The following COL22A1 variants were observed in gnomAD, a reference collection of about 807,000 sequenced individuals.
COL22A1 encodes the protein collagen type XXII alpha 1 chain, also known as collagen alpha-1(XXII) chain.
Under a neutral mutation model 248.9 loss-of-function variants are expected in COL22A1, and 221 were observed. The observed-to-expected ratio is 0.89, with a 90% CI of 0.80 to 0.99. The LOEUF (loss-of-function observed/expected upper bound fraction) is 0.99. Ranked by LOEUF, COL22A1 falls within the 50% of genes least tolerant of loss-of-function variation. The pLI is 0.00. For missense variants in COL22A1, 2,240 were observed against 2,179.0 expected (o/e 1.03, Z -0.56); for synonymous variants, 891 against 793.4 (o/e 1.12, Z -2.07).
intron 18 of COL22A1, 130 bp downstream of exon 18, chr8:138,760,113 C>G (rs894176156): frequency 1.7e-6 from 1 of 572,796 alleles, no homozygotes; most frequent in African/African-American, 2.0e-5. Context: ...CCAGCCACCA[C>G]CCTTTGTGTG....
intron 1 of COL22A1, among the ~76,000 whole-genome samples, chr8:138,888,501 G>A (rs572403288): frequency 6.6e-6 from 1 of 152,328 alleles, no homozygotes; most frequent in South Asian, 2.1e-4. Context: ...ATGCATGACA[G>A]GCATGCAGGT....
chr8:138,862,865 T>C (rs1217038922), intron 3 of COL22A1, among the ~76,000 whole-genome samples: 1 of 151,920 alleles, frequency 6.6e-6, no homozygotes, highest in African/African-American at 2.4e-5. Context: ...AGGAGACTTG[T>C]GCCCAGCGTC....
intron 10 of COL22A1, among the ~76,000 whole-genome samples, chr8:138,804,896 G>A (rs1378398800): frequency 6.6e-6 from 1 of 150,922 alleles, no homozygotes; most frequent in Non-Finnish European, 1.5e-5. Context: ...TGGTGGCTGT[G>A]TGTGGTGGGT....
intron 18 of COL22A1, among the ~76,000 whole-genome samples, chr8:138,757,673 G>A (rs975532344): frequency 1.3e-5 from 2 of 152,186 alleles, no homozygotes; most frequent in Non-Finnish European, 2.9e-5. Flanking sequence ...TTCAGGGACT[G>A]GACATGGATT....
At chr8:138,738,988 T>C (rs1447972543) in intron 22 of COL22A1, among the ~76,000 whole-genome samples, 1 of 152,116 alleles carries the variant, frequency 6.6e-6, no homozygotes, top group Non-Finnish European at 1.5e-5. Flanking sequence ...TAACATTGCC[T>C]TGGACCAGCG....
At chr8:138,849,489 C>T (rs890004030) in intron 3 of COL22A1, among the ~76,000 whole-genome samples, 3 of 152,216 alleles carry the variant, frequency 2.0e-5, no homozygotes, top group Non-Finnish European at 4.4e-5. Context: ...GGCCACACAG[C>T]TTGCAGGTGG....
chr8:138,673,653 G>A (rs796877911), intron 41 of COL22A1, among the ~76,000 whole-genome samples: 12 of 152,276 alleles, frequency 7.9e-5, no homozygotes, highest in African/African-American at 2.6e-4. Context: ...TGTGGGAAGC[G>A]GGTCTGTATC....
At chr8:138,756,718 GC>G (rs1833033816) in intron 18 of COL22A1, among the ~76,000 whole-genome samples, 1 of 151,970 alleles carries the variant, frequency 6.6e-6, no homozygotes, top group South Asian at 2.1e-4. Flanking sequence ...AGAGTGAATG[GC>G]TCAAGACACA....
chr8:138,755,354 A>G lies in COL22A1; in HGVS notation c.1977+128T>C, dbSNP rs548729116. ...TAGAGGTATGGGAGTGGGTATTTGC[A>G]TTTCTGGCAGAAAGGCAACTGAAGT... On this transcript the variant is annotated intron_variant, in intron 20 of 64. Coordinates refer to ENST00000303045, the MANE Select transcript of COL22A1 (RefSeq NM_152888.3). The G allele has an allele frequency of 9.2e-5, 119 of 1,290,856 alleles. No individual in the cohort carries two copies. The African/African-American group carries it at 1.6e-3, about 18-fold the overall frequency. 80.0% of individuals were successfully genotyped at this position (1,290,856 alleles called of 1,614,324 possible). A position where few individuals can be genotyped will look rare whatever the true frequency, so the allele number is the denominator to read the frequency against.
chr8:138,611,935 C>T (rs1564095288), intron 56 of COL22A1, among the ~76,000 whole-genome samples: 1 of 152,238 alleles, frequency 6.6e-6, no homozygotes, highest in Non-Finnish European at 1.5e-5. Flanking sequence ...AAAGCTCTTA[C>T]AAGCTGCATG....
At chr8:138,702,798 T>G (rs1463739082) in intron 31 of COL22A1, among the ~76,000 whole-genome samples, 1 of 152,198 alleles carries the variant, frequency 6.6e-6, no homozygotes, top group Non-Finnish European at 1.5e-5. Flanking sequence ...TAATATTTTC[T>G]AACAGACGAG....
intron 16 of COL22A1, among the ~76,000 whole-genome samples, chr8:138,771,887 C>T (rs1834397752): frequency 6.6e-6 from 1 of 152,200 alleles, no homozygotes; most frequent in Non-Finnish European, 1.5e-5. Context: ...AAGCCGACTG[C>T]ACCGCGCCTC....
intron 37 of COL22A1, among the ~76,000 whole-genome samples, chr8:138,687,004 T>C (rs1273834326): frequency 1.3e-5 from 2 of 152,236 alleles, no homozygotes; most frequent in African/African-American, 4.8e-5. Context: ...TCATCCAGAC[T>C]GGAGTGCAGT....
chr8:138,893,876 G>C (rs1825225250), intron 1 of COL22A1, among the ~76,000 whole-genome samples: 1 of 152,232 alleles, frequency 6.6e-6, no homozygotes, highest in African/African-American at 2.4e-5. Context: ...CATGGGAGCT[G>C]AGTGGACAAG....
chr8:138,832,794 T>A (rs1032951344), intron 5 of COL22A1, among the ~76,000 whole-genome samples: 1 of 152,144 alleles, frequency 6.6e-6, no homozygotes, highest in Non-Finnish European at 1.5e-5. Context: ...TAATGCCAAA[T>A]GTGTATGGAG....
At chr8:138,871,105 A>G (rs1358836555) in intron 3 of COL22A1, among the ~76,000 whole-genome samples, 1 of 152,058 alleles carries the variant, frequency 6.6e-6, no homozygotes, top group East Asian at 1.9e-4. Flanking sequence ...ACTCTTGCTT[A>G]GAGGGAGACA....
chr8:138,760,339 G>C (rs1177177139), intron 17 of COL22A1, 52 bp from the exon 18 acceptor site: 1 of 1,532,934 alleles, frequency 6.5e-7, no homozygotes, highest in East Asian at 2.4e-5. Flanking sequence ...GGATACGGTG[G>C]TGGGGTGTTG....
At chr8:138,601,621 T>C (rs1186154865) in intron 60 of COL22A1, among the ~76,000 whole-genome samples, 1 of 152,222 alleles carries the variant, frequency 6.6e-6, no homozygotes, top group East Asian at 1.9e-4. Context: ...AAAAAGTCTT[T>C]TCCCCTCTTG....
chr8:138,883,064 A>G lies in COL22A1; in HGVS notation c.91+18T>C. 6.4e-7 allele frequency: 1 copy of G among 1,560,812 alleles called. No individual in the cohort carries two copies. The highest frequency in any genetic ancestry group is 8.7e-7 in the Non-Finnish European group (1 of 1,155,156). ...CTCTGTCCCCAGCACAGCATGGCACAGCCCACGGTGGCCCCACCTGCCCGC... is the reference window on the plus strand; with the variant it reads ...CTCTGTCCCCAGCACAGCATGGCACGGCCCACGGTGGCCCCACCTGCCCGC... On this transcript the variant is annotated intron_variant, in intron 2 of 64. Transcript: ENST00000303045.
Sources: gnomAD v4.1 joint callset for allele counts (sites outside exome capture counted in the v4.1 genomes callset) on GRCh38, gnomAD v4.1.1 for gene constraint, MANE v1.5 for transcripts, NCBI Gene and HGNC (gene_info 2026-07-23, HGNC 2026-07-21) for gene names.